The following CNTN5 variants were observed in gnomAD, a reference collection of about 807,000 sequenced individuals.
CNTN5 encodes the protein contactin 5.
A neutral mutation model predicts 129.1 loss-of-function variants in CNTN5; 77 were observed. The ratio of observed to expected loss-of-function variants is 0.60; its 90% CI spans 0.50 to 0.72. The LOEUF is 0.72. Among genes scored for constraint, CNTN5 ranks in the 30% least tolerant of loss-of-function variants. CNTN5 has a pLI of 0.00. For missense variants in CNTN5, 1,478 were observed against 1,328.8 expected (o/e 1.11, Z -1.75); for synonymous variants, 509 against 465.6 (o/e 1.09, Z -1.20).
At chr11:99,192,075 A>T (rs1182483942) in intron 1 of CNTN5, among the ~76,000 whole-genome samples, 1 of 151,848 alleles carries the variant, frequency 6.6e-6, no homozygotes, top group Non-Finnish European at 1.5e-5. Flanking sequence ...AAACCACATG[A>T]TCATCTCAAT....
intron 3 of CNTN5, among the ~76,000 whole-genome samples, chr11:99,678,826 T>A (rs1340781580): frequency 2.6e-5 from 4 of 151,818 alleles, no homozygotes; most frequent in African/African-American, 7.3e-5. Flanking sequence ...ATGAGAAGAA[T>A]ACAAATAAAA....
chr11:99,602,910 A>G (rs1171101861), intron 3 of CNTN5, among the ~76,000 whole-genome samples: 2 of 118,966 alleles, frequency 1.7e-5, no homozygotes, highest in Non-Finnish European at 3.5e-5. Context: ...AGGAAAACTA[A>G]CAACCAGAAA....
At position 100,183,621 on chromosome 11, in the gene CNTN5, T is replaced by C. The variant is rs1272004000; in HGVS notation, c.1581-7505T>C. Among the ~76,000 whole-genome samples, 7 of 152,184 alleles carry C rather than the reference T, an allele frequency of 4.6e-5. No individual in the cohort carries two copies. The East Asian group carries it at 1.4e-3, about 30-fold the overall frequency. On this transcript the variant is annotated intron_variant, in intron 13 of 24. Coordinates refer to ENST00000524871, the MANE Select transcript of CNTN5 (RefSeq NM_014361.4). Reference sequence around the variant, plus strand: ...TAGTTGCCTAGGACAACGATGGGGTTAGAAGGGGCTGGGGGAATGCAAGGG... The same window carrying C: ...TAGTTGCCTAGGACAACGATGGGGTCAGAAGGGGCTGGGGGAATGCAAGGG...
intron 1 of CNTN5, among the ~76,000 whole-genome samples, chr11:99,247,513 A>G (rs912337332): frequency 6.6e-6 from 1 of 151,964 alleles, no homozygotes; most frequent in Non-Finnish European, 1.5e-5. Flanking sequence ...CACAACGTGC[A>G]GGTTAGTTAC....
At chr11:100,342,737 A>G (rs1002688926) in intron 23 of CNTN5, among the ~76,000 whole-genome samples, 1 of 152,156 alleles carries the variant, frequency 6.6e-6, no homozygotes, top group African/African-American at 2.4e-5. Flanking sequence ...TGGATGACTA[A>G]CGTTGGCCCA....
chr11:100,039,354 G>A (rs949275379), intron 9 of CNTN5, among the ~76,000 whole-genome samples: 1 of 152,154 alleles, frequency 6.6e-6, no homozygotes, highest in Non-Finnish European at 1.5e-5. Flanking sequence ...TGTCTGATGG[G>A]CTTCCCTTTG....
At chr11:99,254,765 A>T (rs1862290303) in intron 1 of CNTN5, among the ~76,000 whole-genome samples, 1 of 151,968 alleles carries the variant, frequency 6.6e-6, no homozygotes. Context: ...TAATTAACTT[A>T]TTGTGGTCAT....
At chr11:99,855,794 ATAAGCTTAAAC>A (rs572343775) in intron 6 of CNTN5, among the ~76,000 whole-genome samples, 164 of 152,328 alleles carry the variant, frequency 1.1e-3, no homozygotes, top group African/African-American at 3.8e-3. Flanking sequence ...ATCTTGACCT[ATAAGCTTAAAC>A]TAAGTAAACC....
At chr11:100,247,602 T>C (rs1949870893) in intron 16 of CNTN5, among the ~76,000 whole-genome samples, 1 of 152,112 alleles carries the variant, frequency 6.6e-6, no homozygotes, top group African/African-American at 2.4e-5. Flanking sequence ...CAGCCCGGGA[T>C]GTCAAGAGTA....
At chr11:99,873,239 G>A (rs963833413) in intron 6 of CNTN5, among the ~76,000 whole-genome samples, 2 of 151,662 alleles carry the variant, frequency 1.3e-5, no homozygotes, top group South Asian at 4.2e-4. Context: ...TATTACCCAT[G>A]AGTTCATTCC....
intron 3 of CNTN5, among the ~76,000 whole-genome samples, chr11:99,765,981 A>G (rs1944740712): frequency 6.6e-6 from 1 of 152,024 alleles, no homozygotes; most frequent in Non-Finnish European, 1.5e-5. Flanking sequence ...CTAAGTTTTT[A>G]TTACTCTAAA....
intron 3 of CNTN5, among the ~76,000 whole-genome samples, chr11:99,577,379 A>G (rs567239495): frequency 6.6e-6 from 1 of 152,244 alleles, no homozygotes; most frequent in South Asian, 2.1e-4. Context: ...TAGGAAAATA[A>G]ATTGAGAGTA....
intron 13 of CNTN5, among the ~76,000 whole-genome samples, chr11:100,168,310 C>T (rs892330879): frequency 2.0e-5 from 3 of 151,906 alleles, no homozygotes; most frequent in East Asian, 1.9e-4. Context: ...AAGAGGATGC[C>T]GTCTACGACT....
intron 13 of CNTN5, among the ~76,000 whole-genome samples, chr11:100,141,207 G>C (rs534944719): frequency 6.6e-6 from 1 of 152,230 alleles, no homozygotes; most frequent in South Asian, 2.1e-4. Flanking sequence ...GCCATGTGGG[G>C]ATTAAAGTCT....
intron 15 of CNTN5, 71 bp from the exon 16 acceptor site, chr11:100,224,620 AG>A: frequency 6.7e-7 from 1 of 1,492,160 alleles, no homozygotes. Context: ...GAATATGCAA[AG>A]TTCCCCCTTA....
intron 21 of CNTN5, among the ~76,000 whole-genome samples, chr11:100,321,189 AT>A (rs972025235): frequency 2.4e-4 from 37 of 151,356 alleles, no homozygotes; most frequent in African/African-American, 5.6e-4. Context: ...TGAACATAGG[AT>A]TTTTTTCCAT....
At chr11:99,126,600 TG>T (rs1268194044) in intron 1 of CNTN5, among the ~76,000 whole-genome samples, 2 of 152,120 alleles carry the variant, frequency 1.3e-5, no homozygotes, top group Non-Finnish European at 2.9e-5. Flanking sequence ...AAGTTGGGGT[TG>T]GGGAAAAAGT....
chr11:99,491,165 T>C (rs574690381), intron 2 of CNTN5, among the ~76,000 whole-genome samples: 24 of 152,292 alleles, frequency 1.6e-4, no homozygotes, highest in Middle Eastern at 3.4e-3. Flanking sequence ...GGGATACAAA[T>C]TCAATCAATC....
intron 6 of CNTN5, among the ~76,000 whole-genome samples, chr11:99,906,096 C>T (rs975196751): frequency 6.6e-6 from 1 of 152,146 alleles, no homozygotes; most frequent in South Asian, 2.1e-4. Flanking sequence ...GACAATTTGA[C>T]TTCCTCTCTG....
Sources: gnomAD v4.1 joint callset for allele counts (sites outside exome capture counted in the v4.1 genomes callset) on GRCh38, gnomAD v4.1.1 for gene constraint, MANE v1.5 for transcripts, NCBI Gene and HGNC (gene_info 2026-07-23, HGNC 2026-07-21) for gene names.